Variants in CSNK2A2 observed in about 807,000 individuals in gnomAD.
CSNK2A2 encodes the protein casein kinase 2 alpha 2.
In CSNK2A2, 8 loss-of-function variants were observed where a neutral mutation model predicts 54.0. The ratio of observed to expected loss-of-function variants is 0.15; its 90% CI spans 0.09 to 0.27. The LOEUF is 0.27. CSNK2A2 is among the 10% of genes least tolerant of loss of function. CSNK2A2 has a pLI of 1.00. For missense variants in CSNK2A2, 242 were observed against 439.4 expected, an observed-to-expected ratio of 0.55 and a Z score of 4.02; for synonymous variants, 141 against 153.9, an observed-to-expected ratio of 0.92 and a Z score of 0.62.
chr16:58,166,736 G>A, intron 8 of CSNK2A2, 52 bp from the exon 9 acceptor site: 1 of 1,289,422 alleles, frequency 7.8e-7, no homozygotes, highest in Non-Finnish European at 1.1e-6. Context: ...CACACCATGA[G>A]CCCGTGAGGA....
At chr16:58,171,979 A>ATATATATATATATATAT (rs1261137669) in intron 5 of CSNK2A2, among the ~76,000 whole-genome samples, 6 of 66,186 alleles carry the variant, frequency 9.1e-5, no homozygotes, top group Admixed American at 7.6e-4. Context: ...ATATATATAT[A>ATATATATATATATATAT]TTTTTTTTTT....
At chr16:58,174,571 G>A (rs978491835) in intron 4 of CSNK2A2, 61 bp from the exon 5 acceptor site, 2 of 1,347,654 alleles carry the variant, frequency 1.5e-6, no homozygotes, top group East Asian at 2.3e-5. Context: ...GTCATCCTAA[G>A]TGCAGGCCAT....
At chr16:58,196,871 T>C (rs760565403) in intron 1 of CSNK2A2, 27 bp from the exon 2 acceptor site, 3 of 1,442,624 alleles carry the variant, frequency 2.1e-6, no homozygotes, top group South Asian at 2.3e-5. Flanking sequence ...CACACATAAA[T>C]GCCAGGACTG....
At chr16:58,172,103 G>A (rs533874719) in intron 5 of CSNK2A2, among the ~76,000 whole-genome samples, 10 of 149,732 alleles carry the variant, frequency 6.7e-5, no homozygotes, top group African/African-American at 9.9e-5. Flanking sequence ...ATTTATAGGC[G>A]TGAGCCACCG....
At chr16:58,194,386 C>T (rs1962382315) in intron 2 of CSNK2A2, among the ~76,000 whole-genome samples, 1 of 152,204 alleles carries the variant, frequency 6.6e-6, no homozygotes, top group African/African-American at 2.4e-5. Flanking sequence ...CACAAAACAA[C>T]AAAACCACAA....
intron 2 of CSNK2A2, among the ~76,000 whole-genome samples, chr16:58,193,754 T>C (rs1246768940): frequency 6.6e-6 from 1 of 152,224 alleles, no homozygotes; most frequent in East Asian, 1.9e-4. Flanking sequence ...ATGAAACTTT[T>C]GGCACTAATG....
At position 58,196,993 on chromosome 16, in the gene CSNK2A2, C is replaced by G. The variant is rs1016046846; in HGVS notation, c.105-149G>C. 7.5e-6 allele frequency: 5 copies of G among 670,694 alleles called. 1 individual carries two copies. The highest frequency in any genetic ancestry group is 5.3e-5 in the East Asian group (2 of 37,550). 41.5% of individuals were successfully genotyped at this position (670,694 alleles called of 1,614,324 possible). A position where few individuals can be genotyped will look rare whatever the true frequency, so the allele number is the denominator to read the frequency against. On this transcript the variant is annotated intron_variant, in intron 1 of 11. Transcript: ENST00000262506. ...CAACTCATTCCCTAAATGAAAGCCA[C>G]GACATAATCTTGGCTCCCTTCACTC...
chr16:58,192,136 T>C (rs1244989817), intron 2 of CSNK2A2, among the ~76,000 whole-genome samples: 8 of 152,196 alleles, frequency 5.3e-5, no homozygotes, highest in East Asian at 1.9e-4. Flanking sequence ...GCTTATTTCA[T>C]AGATGAGAAA....
At chr16:58,165,772 G>C in intron 9 of CSNK2A2, 64 bp from the exon 10 acceptor site, 1 of 1,522,822 alleles carries the variant, frequency 6.6e-7, no homozygotes. Context: ...TTATCTACTA[G>C]GGCTAAAGCC....
chr16:58,167,887 T>G (rs1362040770), intron 6 of CSNK2A2, 92 bp from the exon 7 acceptor site: 6 of 956,502 alleles, frequency 6.3e-6, no homozygotes, highest in Non-Finnish European at 1.0e-5. Context: ...TAACAATCAT[T>G]TGGCCACACA....
chr16:58,186,984 C>T, intron 2 of CSNK2A2, 128 bp from the exon 3 acceptor site: 1 of 690,104 alleles, frequency 1.4e-6, no homozygotes, highest in Admixed American at 3.3e-5. Flanking sequence ...CAAGAGTGTG[C>T]CTAAATTTGA....
At chr16:58,161,143 A>C (rs1227813592) in intron 11 of CSNK2A2, 1 of 152,196 alleles carries the variant, frequency 6.6e-6, no homozygotes, top group East Asian at 1.9e-4. Context: ...AGAGGTGCAA[A>C]TGTGACTCAG....
intron 5 of CSNK2A2, among the ~76,000 whole-genome samples, chr16:58,173,219 G>C (rs1241513053): frequency 6.6e-6 from 1 of 152,122 alleles, no homozygotes; most frequent in African/African-American, 2.4e-5. Context: ...GACCTTTTTC[G>C]TGTTTCTGAT....
In CSNK2A2 at chr16:58,197,540, G is replaced by A; in HGVS notation, c.104+93C>T. ...CCTGCGGGCCCGCGGAGGGGTCGGCGGGAGACACCACCGGGCCCGAGTGCG... is the reference window on the plus strand; with the variant it reads ...CCTGCGGGCCCGCGGAGGGGTCGGCAGGAGACACCACCGGGCCCGAGTGCG... On this transcript the variant is annotated intron_variant, in intron 1 of 11. Coordinates refer to ENST00000262506, the MANE Select transcript of CSNK2A2 (RefSeq NM_001896.4). The surrounding 1 kb of genome is among the most constrained non-coding windows in gnomAD (Gnocchi z 4.0). 2 of 732,314 alleles carry A rather than the reference G, an allele frequency of 2.7e-6. No homozygotes were observed. Among genetic ancestry groups the A allele is most frequent in the Admixed American group, 3.3e-5 (1 of 30,312 alleles). The allele number at this position is 732,314 out of a possible 1,614,324, so 45.4% of individuals were successfully genotyped here. A position where few individuals can be genotyped will look rare whatever the true frequency, so the allele number is the denominator to read the frequency against.
chr16:58,195,142 C>G (rs1461544379), intron 2 of CSNK2A2, among the ~76,000 whole-genome samples: 2 of 151,160 alleles, frequency 1.3e-5, no homozygotes, highest in African/African-American at 2.4e-5. Flanking sequence ...GTACATAAAG[C>G]TAATGTATGG....
Position 58,197,557 on chromosome 16 carries a change from C to A in CSNK2A2, c.104+76G>T, listed in dbSNP as rs111959151. The A allele has an allele frequency of 2.0e-6, 2 of 999,420 alleles. No individual in the cohort carries two copies. Among genetic ancestry groups the A allele is most frequent in the Non-Finnish European group, 1.4e-6 (1 of 695,286 alleles). 61.9% of individuals were successfully genotyped at this position (999,420 alleles called of 1,614,324 possible). A position where few individuals can be genotyped will look rare whatever the true frequency, so the allele number is the denominator to read the frequency against. ...GGGTCGGCGGGAGACACCACCGGGC[C>A]CGAGTGCGGTTCGCAGGGGGTGGCC... On this transcript the variant is annotated intron_variant, in intron 1 of 11. Transcript: ENST00000262506. This position sits in a 1 kb window ranked among gnomAD's most constrained non-coding sequence, Gnocchi z 4.0.
chr16:58,186,106 G>A (rs1962187968), intron 3 of CSNK2A2, among the ~76,000 whole-genome samples: 1 of 152,250 alleles, frequency 6.6e-6, no homozygotes, highest in African/African-American at 2.4e-5. Context: ...AAAGTGGGGA[G>A]GTGAGGTGTC....
intron 2 of CSNK2A2, among the ~76,000 whole-genome samples, chr16:58,188,550 T>A (rs1193571168): frequency 6.6e-6 from 1 of 152,264 alleles, no homozygotes; most frequent in African/African-American, 2.4e-5. Context: ...AATATCATCA[T>A]GTAATCTGGG....
chr16:58,189,577 C>T (rs192528101), intron 2 of CSNK2A2, among the ~76,000 whole-genome samples: 3 of 152,296 alleles, frequency 2.0e-5, no homozygotes, highest in Admixed American at 2.0e-4. Context: ...AGATGAACCT[C>T]CCTCTCAATA....
Sources: allele counts gnomAD v4.1 joint callset (sites outside exome capture counted in the v4.1 genomes callset), GRCh38; gene constraint gnomAD v4.1.1; non-coding constraint Gnocchi (gnomAD v3.1); transcripts MANE v1.5; gene names NCBI Gene and HGNC (gene_info 2026-07-23, HGNC 2026-07-21).